The following WDCP variants were observed in gnomAD, a reference collection of about 807,000 sequenced individuals.
WDCP encodes the protein WD repeat and coiled coil containing, also known as WD repeat and coiled-coil-containing protein.
In WDCP, 19 loss-of-function variants were observed where a neutral mutation model predicts 41.6. The ratio of observed to expected loss-of-function variants is 0.46; its 90% confidence interval spans 0.32 to 0.67. The LOEUF (loss-of-function observed/expected upper bound fraction) is 0.67. WDCP is among the 30% of genes least tolerant of loss of function. The probability of loss-of-function intolerance (pLI) is 0.04; values close to 1 mark genes in which losing one functional copy is unlikely to be tolerated. For synonymous variants in WDCP, 302 were observed against 320.8 expected (o/e 0.94, Z 0.63); for missense variants, 802 against 850.7 (o/e 0.94, Z 0.71).
In WDCP at chr2:24,038,023, G is replaced by A. The variant is rs763024905; in HGVS notation, c.1472C>T (p.Pro491Leu). 3 of 1,614,024 alleles carry A rather than the reference G, an allele frequency of 1.9e-6. No individual in the cohort carries two copies. Among genetic ancestry groups the A allele is most frequent in the East Asian group, 2.2e-5 (1 of 44,886 alleles). ...TVNTSSQNGR[P>L]GRTLIKEIQS... ...GATTTCTTTAATAAGTGTTCTTCCAGGCCTTCCATTCTGACTACTGGTATT... is the reference window on the plus strand; with the variant it reads ...GATTTCTTTAATAAGTGTTCTTCCAAGCCTTCCATTCTGACTACTGGTATT... Residue 491 changes from proline (P) to leucine (L), a missense_variant, in exon 2 of 4, where the codon CCT becomes CTT. Pro to Leu is a moderately conservative substitution (Grantham distance 98). This residue lies in a region of WDCP where 321 missense variants were observed against 305.1 expected (regional missense o/e 1.05). Transcript: ENST00000295148.
intron 1 of WDCP, 84 bp from the exon 2 acceptor site, chr2:24,039,596 G>A: frequency 2.4e-6 from 3 of 1,228,740 alleles, no homozygotes; most frequent in Non-Finnish European, 3.4e-6. Context: ...CAACGGCTTA[G>A]CCCCTTCCCA....
Position 24,038,485 on chromosome 2 carries a change from G to A in WDCP, c.1010C>T (p.Pro337Leu). ...AVTMTRKVTI[P>L]GILVPDLIAF... ...TATCAGATCAGGAACCAGAATGCCT[G>A]GAATAGTGACTTTTCTCGTCATGGT... is the stretch of plus-strand genomic sequence containing the variant. The change falls in exon 2 of 4, where the codon CCA (proline) becomes CTA (leucine). Residue 337 changes from proline (P) to leucine (L), a missense_variant. Physicochemically the swap from Pro to Leu is moderately conservative, Grantham distance 98. Transcript: ENST00000295148. 1 of 1,614,198 alleles carries A rather than the reference G, an allele frequency of 6.2e-7. No homozygotes were observed. Among genetic ancestry groups the A allele is most frequent in the Non-Finnish European group, 8.5e-7 (1 of 1,180,044 alleles).
intron 1 of WDCP, among the ~76,000 whole-genome samples, chr2:24,045,548 C>G (rs1249932694): frequency 6.8e-6 from 1 of 148,050 alleles, no homozygotes; most frequent in Admixed American, 6.9e-5. Flanking sequence ...TTGCAGTGAG[C>G]CGAGTTTGCG....
At chr2:24,043,192 C>G (rs550134675) in intron 1 of WDCP, among the ~76,000 whole-genome samples, 1 of 152,088 alleles carries the variant, frequency 6.6e-6, no homozygotes, top group African/African-American at 2.4e-5. Context: ...AAAAATTAGC[C>G]AGGAGTGATG....
rs372053685 is a variant in WDCP, at chr2:24,038,940, G to T, written c.555C>A (p.Asp185Glu). 1 of 1,614,076 alleles carries T rather than the reference G, an allele frequency of 6.2e-7. No individual in the cohort carries two copies. The highest frequency in any genetic ancestry group is 1.3e-5 in the African/African-American group (1 of 74,926). ...ACCTGTGAAGAGTCTTCTGAGCGCT[G>T]TCCCAAATATAAGAATGCAGGCTGC... ...VGSSLHSYIW[D>E]SAQKTLHRCS... Residue 185 changes from aspartate to glutamate, a missense_variant, in exon 2 of 4, where the codon GAC becomes GAA. Around this residue, in one of 5 missense-constraint regions of WDCP, gnomAD observed 214 missense variants for 252.9 expected, o/e 0.85. Transcript: ENST00000295148.
In WDCP at chr2:24,039,198, T is replaced by C. The variant is rs1409455765; in HGVS notation, c.297A>G (p.Lys99=). ...TCTCACAAGTCTGAGACGTCAGCCA[T>C]TTGCTTGACTCCATAGGGCTGGGAC... ...QLCPSPMESS[K]WLTSQTCEIR... The change falls in exon 2 of 4, where the codon AAA becomes AAG. Residue 99 remains lysine, a synonymous_variant. Transcript: ENST00000295148. The C allele has an allele frequency of 2.5e-6, 4 of 1,614,098 alleles. No individual in the cohort carries two copies. The African/African-American group carries it at 4.0e-5, about 16-fold the overall frequency.
intron 3 of WDCP, among the ~76,000 whole-genome samples, chr2:24,032,438 G>C (rs996248909): frequency 6.6e-6 from 1 of 152,182 alleles, no homozygotes; most frequent in Non-Finnish European, 1.5e-5. Context: ...GGAGGCGGAG[G>C]TTGCAGTGAG....
In WDCP at chr2:24,033,515, C is replaced by G. The variant is rs141878740; in HGVS notation, c.1819-569G>C. 1.2e-4 allele frequency among the ~76,000 whole-genome samples: 18 copies of G among 152,264 alleles called. No individual in the cohort carries two copies. In the East Asian group the frequency reaches 3.5e-3, roughly 29 times the overall value. On this transcript the variant is annotated intron_variant, in intron 2 of 3. Coordinates refer to ENST00000295148, the MANE Select transcript of WDCP (RefSeq NM_025203.3). ...CAAAAGTTTGGGAGGCTAAGATGGA[C>G]AGATCACTTGAGCCCAGGAGTTCAA...
intron 1 of WDCP, among the ~76,000 whole-genome samples, chr2:24,046,967 A>T (rs1160571305): frequency 1.3e-5 from 2 of 152,130 alleles, no homozygotes; most frequent in African/African-American, 4.8e-5. Flanking sequence ...AATGTACTGA[A>T]CTGCTCCTAG....
At chr2:24,041,858 CAAAAAAA>C (rs56341766) in intron 1 of WDCP, among the ~76,000 whole-genome samples, 2 of 93,224 alleles carry the variant, frequency 2.1e-5, no homozygotes, top group East Asian at 3.4e-4. Context: ...AACTCTGTCT[CAAAAAAA>C]AAAAAAAAAA....
At chr2:24,035,131 A>ATT (rs1663204770) in intron 2 of WDCP, among the ~76,000 whole-genome samples, 1 of 151,844 alleles carries the variant, frequency 6.6e-6, no homozygotes, top group Non-Finnish European at 1.5e-5. Flanking sequence ...ATTATGGAAA[A>ATT]TTTTTACTTT....
At chr2:24,046,906 T>G (rs1181829032) in intron 1 of WDCP, among the ~76,000 whole-genome samples, 1 of 152,142 alleles carries the variant, frequency 6.6e-6, no homozygotes, top group African/African-American at 2.4e-5. Context: ...ATTTAAAAGT[T>G]TAATAAATTA....
At chr2:24,043,277 G>A (rs532901850) in intron 1 of WDCP, among the ~76,000 whole-genome samples, 3 of 152,218 alleles carry the variant, frequency 2.0e-5, no homozygotes, top group South Asian at 2.1e-4. Context: ...CAGATGTTAC[G>A]GTAAGCCAAG....
chr2:24,037,582 T>TAG, intron 2 of WDCP, 95 bp downstream of exon 2: 3 of 1,326,098 alleles, frequency 2.3e-6, no homozygotes, highest in Admixed American at 2.3e-5. Flanking sequence ...GAAGCTCAGT[T>TAG]AGAGCACCAT....
At chr2:24,036,479 G>A (rs1248975717) in intron 2 of WDCP, among the ~76,000 whole-genome samples, 4 of 152,188 alleles carry the variant, frequency 2.6e-5, no homozygotes, top group African/African-American at 4.8e-5. Context: ...GCTGGCGGGC[G>A]TGTGATGATG....
In WDCP at chr2:24,039,421, C is replaced by T; in HGVS notation, c.74G>A (p.Gly25Asp). The T allele has an allele frequency of 3.7e-6, 6 of 1,614,246 alleles. No homozygotes were observed. The highest frequency in any genetic ancestry group is 5.1e-6 in the Non-Finnish European group (6 of 1,180,030). ...ALHQAVHPIH[G>D]LAWTDGNQVV... ...TTGATTCCCATCGGTCCAGGCAAGG[C>T]CATGGATCGGATGCACTGCTTGATG... Residue 25 changes from glycine to aspartate, a missense_variant, in exon 2 of 4, where the codon GGC becomes GAC. Physicochemically the swap from Gly to Asp is moderately conservative, Grantham distance 94. Around this residue, in one of 5 missense-constraint regions of WDCP, gnomAD observed 214 missense variants for 252.9 expected, o/e 0.85. Transcript: ENST00000295148.
chr2:24,040,232 T>G (rs1346995051), intron 1 of WDCP, among the ~76,000 whole-genome samples: 1 of 152,154 alleles, frequency 6.6e-6, no homozygotes, highest in Non-Finnish European at 1.5e-5. Flanking sequence ...TTCAAATGGT[T>G]TGACAAAAAA....
chr2:24,040,097 G>A (rs1447808091), intron 1 of WDCP, among the ~76,000 whole-genome samples: 11 of 151,984 alleles, frequency 7.2e-5, no homozygotes, highest in East Asian at 1.9e-4. Flanking sequence ...TCCCGCGCCC[G>A]GCCAGAGTTA....
chr2:24,031,608 C>T (rs542159022), intron 3 of WDCP, among the ~76,000 whole-genome samples: 4 of 152,264 alleles, frequency 2.6e-5, no homozygotes, highest in South Asian at 2.1e-4. Flanking sequence ...GGGCAGATCT[C>T]GAGGTCAGGA....
Sources: gnomAD v4.1 joint callset for allele counts (sites outside exome capture counted in the v4.1 genomes callset) on GRCh38, gnomAD v4.1.1 for gene constraint, gnomAD v4.1.1 regional missense constraint, MANE v1.5 for transcripts, NCBI Gene and HGNC (gene_info 2026-07-23, HGNC 2026-07-21) for gene names.